The following PLCB1 variants were observed in gnomAD, a reference collection of about 807,000 sequenced individuals.
The protein encoded by PLCB1 is 1-phosphatidylinositol 4,5-bisphosphate phosphodiesterase beta-1.
Under a neutral mutation model 161.8 loss-of-function variants are expected in PLCB1, and 46 were observed. The observed-to-expected ratio is 0.28, with a 90% CI of 0.22 to 0.36. The LOEUF is 0.36. PLCB1 is among the 10% of genes least tolerant of loss of function. The probability of loss-of-function intolerance (pLI) is 1.00; values close to 1 mark genes in which losing one functional copy is unlikely to be tolerated. For missense variants in PLCB1, 1,016 were observed against 1,472.5 expected, an observed-to-expected ratio of 0.69 and a Z score of 5.07; for synonymous variants, 517 against 503.7, an observed-to-expected ratio of 1.03 and a Z score of -0.35.
chr20:8,690,313 T>C (rs1990447658), intron 10 of PLCB1, among the ~76,000 whole-genome samples: 1 of 152,156 alleles, frequency 6.6e-6, no homozygotes, highest in Non-Finnish European at 1.5e-5. Context: ...AGTTTACTTA[T>C]TGCAAGGCAG....
intron 2 of PLCB1, among the ~76,000 whole-genome samples, chr20:8,178,933 A>C (rs2051810534): frequency 6.6e-6 from 1 of 152,154 alleles, no homozygotes; most frequent in Non-Finnish European, 1.5e-5. Flanking sequence ...GTCGAAGGTC[A>C]TATGGTAGTA....
intron 31 of PLCB1, 120 bp from the exon 32 acceptor site, chr20:8,881,502 G>T: frequency 1.4e-6 from 1 of 736,644 alleles, no homozygotes; most frequent in Non-Finnish European, 2.4e-6. Flanking sequence ...ACCAGTGAAT[G>T]ATATTTTAAG....
intron 31 of PLCB1, among the ~76,000 whole-genome samples, chr20:8,842,520 G>A (rs1986542687): frequency 6.6e-6 from 1 of 152,198 alleles, no homozygotes; most frequent in Non-Finnish European, 1.5e-5. Context: ...ACTTGATAGT[G>A]TAGCAGGACG....
At chr20:8,811,764 GC>G (rs1454494237) in intron 31 of PLCB1, among the ~76,000 whole-genome samples, 12 of 152,350 alleles carry the variant, frequency 7.9e-5, no homozygotes, top group African/African-American at 2.9e-4. Context: ...CCACAGGCCT[GC>G]CTGGCTGCTA....
intron 2 of PLCB1, 27 bp downstream of exon 2, chr20:8,150,398 C>T (rs747477639): frequency 2.2e-5 from 24 of 1,099,574 alleles, no homozygotes; most frequent in Non-Finnish European, 3.2e-5. Context: ...GCCTTTCTTA[C>T]ATTTTTCAGT....
At chr20:8,370,027 T>G (rs960710204) in intron 2 of PLCB1, among the ~76,000 whole-genome samples, 1 of 152,180 alleles carries the variant, frequency 6.6e-6, no homozygotes, top group Non-Finnish European at 1.5e-5. Context: ...GCTTGGCCTT[T>G]AAGAAGTTAC....
intron 12 of PLCB1, among the ~76,000 whole-genome samples, chr20:8,711,630 C>T (rs1209519468): frequency 6.6e-6 from 1 of 152,106 alleles, no homozygotes; most frequent in Non-Finnish European, 1.5e-5. Flanking sequence ...GAGTTGCTTG[C>T]TTCATATTTC....
intron 31 of PLCB1, among the ~76,000 whole-genome samples, chr20:8,870,990 G>A (rs1274825153): frequency 6.6e-6 from 1 of 152,158 alleles, no homozygotes; most frequent in Non-Finnish European, 1.5e-5. Flanking sequence ...TGTTAGAAAT[G>A]CAGGGTAGCA....
At chr20:8,853,884 G>T (rs895110322) in intron 31 of PLCB1, among the ~76,000 whole-genome samples, 1 of 152,134 alleles carries the variant, frequency 6.6e-6, no homozygotes, top group Non-Finnish European at 1.5e-5. Flanking sequence ...ACAAAGAAGC[G>T]CTGTTCTCCC....
At chr20:8,467,966 T>G (rs959989585) in intron 3 of PLCB1, among the ~76,000 whole-genome samples, 1 of 152,178 alleles carries the variant, frequency 6.6e-6, no homozygotes, top group Non-Finnish European at 1.5e-5. Flanking sequence ...AGCTTCTACT[T>G]AGCAATATGA....
intron 13 of PLCB1, among the ~76,000 whole-genome samples, chr20:8,717,249 T>G (rs1279040313): frequency 1.3e-5 from 2 of 152,170 alleles, no homozygotes; most frequent in Non-Finnish European, 2.9e-5. Flanking sequence ...AAAAATGATT[T>G]CATGGGCTCA....
chr20:8,545,815 G>C (rs545022043), intron 3 of PLCB1, among the ~76,000 whole-genome samples: 1 of 152,048 alleles, frequency 6.6e-6, no homozygotes, highest in South Asian at 2.1e-4. Context: ...TCTTCTATAC[G>C]GCACACATTT....
In PLCB1 at chr20:8,638,559, T is replaced by C. The variant is rs149548823; in HGVS notation, c.385-7543T>C. Among the ~76,000 whole-genome samples, 28 of 152,182 alleles carry C rather than the reference T, an allele frequency of 1.8e-4. 1 individual carries two copies. In the East Asian group the frequency reaches 5.4e-3, roughly 29 times the overall value. On this transcript the variant is annotated intron_variant, in intron 4 of 31. Coordinates refer to ENST00000338037, the MANE Select transcript of PLCB1 (RefSeq NM_015192.4). ...ACACCCATATATATAAATAGAAATGTGTAAGTAAACCCCAGAAATTTAAGA... is the reference window on the plus strand; with the variant it reads ...ACACCCATATATATAAATAGAAATGCGTAAGTAAACCCCAGAAATTTAAGA...
chr20:8,297,512 T>C (rs938481087), intron 2 of PLCB1, among the ~76,000 whole-genome samples: 4 of 152,110 alleles, frequency 2.6e-5, no homozygotes, highest in Admixed American at 2.0e-4. Context: ...CTTTGTTTAT[T>C]GATAAAAAAT....
At chr20:8,491,671 C>T (rs1982952580) in intron 3 of PLCB1, among the ~76,000 whole-genome samples, 1 of 152,148 alleles carries the variant, frequency 6.6e-6, no homozygotes, top group African/African-American at 2.4e-5. Flanking sequence ...AGTTATTGCT[C>T]TCTGAAGCTG....
intron 31 of PLCB1, among the ~76,000 whole-genome samples, chr20:8,800,930 T>A (rs1346288065): frequency 1.3e-5 from 2 of 152,194 alleles, no homozygotes; most frequent in Non-Finnish European, 2.9e-5. Context: ...CCTGGATTTC[T>A]AAGTAGCCTC....
intron 2 of PLCB1, among the ~76,000 whole-genome samples, chr20:8,222,238 C>T (rs1475405769): frequency 1.3e-5 from 2 of 152,180 alleles, no homozygotes; most frequent in Non-Finnish European, 2.9e-5. Context: ...TTTCACTTCT[C>T]TTCAGCCTAG....
At chr20:8,284,877 A>C (rs1983040476) in intron 2 of PLCB1, among the ~76,000 whole-genome samples, 1 of 152,064 alleles carries the variant, frequency 6.6e-6, no homozygotes, top group African/African-American at 2.4e-5. Flanking sequence ...CTTCTTTCTT[A>C]GTCTAAGAAT....
At chr20:8,517,353 T>G (rs907792715) in intron 3 of PLCB1, among the ~76,000 whole-genome samples, 11 of 152,132 alleles carry the variant, frequency 7.2e-5, no homozygotes, top group African/African-American at 2.7e-4. Flanking sequence ...GCTGAACCCT[T>G]ATTAACCCCA....
Sources: allele counts gnomAD v4.1 joint callset (sites outside exome capture counted in the v4.1 genomes callset), GRCh38; gene constraint gnomAD v4.1.1; transcripts MANE v1.5; gene names NCBI Gene and HGNC (gene_info 2026-07-23, HGNC 2026-07-21).